Variants in SHROOM2 observed in about 807,000 individuals in gnomAD.
SHROOM2 encodes the protein protein Shroom2.
A neutral mutation model predicts 75.9 loss-of-function variants in SHROOM2; 33 were observed. The ratio of observed to expected loss-of-function variants is 0.43; its 90% CI spans 0.33 to 0.58. SHROOM2 has a LOEUF of 0.58. Ranked by LOEUF, SHROOM2 falls within the 20% of genes least tolerant of loss-of-function variation. The probability of loss-of-function intolerance (pLI) is 0.04; values close to 1 mark genes in which losing one functional copy is unlikely to be tolerated. For synonymous variants in SHROOM2, 655 were observed against 663.6 expected (o/e 0.99, Z 0.20); for missense variants, 1,434 against 1,461.2 (o/e 0.98, Z 0.30).
chrX:9,833,935 G>A (rs1320067715), intron 1 of SHROOM2, among the ~76,000 whole-genome samples: 1 of 111,293 alleles, frequency 9.0e-6, no homozygotes, highest in Non-Finnish European at 1.9e-5. Context: ...CTACAGACCT[G>A]CAGCCTCAAA....
At chrX:9,786,836 G>A in intron 1 of SHROOM2, 126 bp downstream of exon 1, 1 of 489,916 alleles carries the variant, frequency 2.0e-6, no homozygotes, top group South Asian at 1.1e-4. Flanking sequence ...CGTCTGCTGG[G>A]GTCACCTGCC....
In SHROOM2 at chrX:9,857,125, C is replaced by A. The variant is rs1009468852; in HGVS notation, c.166-16527C>A. Among the ~76,000 whole-genome samples the A allele has an allele frequency of 3.6e-5, 4 of 112,482 alleles. No individual in the cohort carries two copies. The East Asian group carries it at 1.1e-3, about 31-fold the overall frequency. On this transcript the variant is annotated intron_variant, in intron 1 of 9. Transcript: ENST00000380913. ...AATTTGAAGAGGCAGAAAGAGGACA[C>A]GAAGGTGACATGCTAATGAAGTCTA...
chrX:9,937,351 G>A lies in SHROOM2; in HGVS notation c.3805G>A (p.Glu1269Lys), dbSNP rs2084722005. The A allele has an allele frequency of 6.7e-6, 8 of 1,202,553 alleles. No homozygotes were observed. The highest frequency in any genetic ancestry group is 3.6e-5 in the South Asian group (2 of 55,666). The change falls in exon 7 of 10, where the codon GAG (glutamate) becomes AAG (lysine). Residue 1269 changes from glutamate (E) to lysine (K), a missense_variant. This residue lies in a region of SHROOM2 where 1,340 missense variants were observed against 1,338.3 expected (regional missense o/e 1.00). Transcript: ENST00000380913. ...CTGTCTGTACACGCGGCAGGGTGCT[G>A]AGCCCGAGGCCCCACATAGGGCCCA... is the stretch of plus-strand genomic sequence containing the variant. ...RFCLYTRQGA[E>K]PEAPHRAQPA... is the part of the protein sequence containing the mutation.
intron 5 of SHROOM2, among the ~76,000 whole-genome samples, chrX:9,919,127 A>G (rs140027451): frequency 3.8e-4 from 42 of 110,643 alleles, no homozygotes; most frequent in Non-Finnish European, 5.9e-4. Context: ...ATTGTGTTGG[A>G]CCTGGAATAC....
chrX:9,884,158 G>A (rs1038503501), intron 2 of SHROOM2, among the ~76,000 whole-genome samples: 4 of 110,769 alleles, frequency 3.6e-5, no homozygotes, highest in African/African-American at 1.3e-4. Flanking sequence ...GGGGGACCAG[G>A]TGGGCCTGTG....
chrX:9,901,914 A>G (rs777070464), intron 5 of SHROOM2, among the ~76,000 whole-genome samples: 2 of 104,292 alleles, frequency 1.9e-5, no homozygotes, highest in Non-Finnish European at 3.9e-5. Context: ...GGTTGGATGG[A>G]TGGAGGGACT....
At chrX:9,903,004 T>C (rs941640577) in intron 5 of SHROOM2, among the ~76,000 whole-genome samples, 2 of 111,821 alleles carry the variant, frequency 1.8e-5, no homozygotes, top group African/African-American at 6.5e-5. Context: ...GCATACGAAA[T>C]AGAGCTCTTT....
intron 2 of SHROOM2, among the ~76,000 whole-genome samples, chrX:9,884,368 C>CTTCTTTTTTTTT (rs1372366663): frequency 6.7e-4 from 42 of 62,229 alleles, no homozygotes; most frequent in African/African-American, 1.5e-3. Context: ...TTTTTCTTTT[C>CTTCTTTTTTTTT]TTTTTTTTTT....
intron 1 of SHROOM2, among the ~76,000 whole-genome samples, chrX:9,810,352 G>C (rs1463407000): frequency 9.0e-6 from 1 of 111,248 alleles, no homozygotes; most frequent in African/African-American, 3.3e-5. Context: ...GTAATACTAA[G>C]AGACGCCCTA....
chrX:9,919,582 A>G (rs755099276), intron 5 of SHROOM2, among the ~76,000 whole-genome samples: 3 of 109,433 alleles, frequency 2.7e-5, no homozygotes, highest in Non-Finnish European at 5.7e-5. Flanking sequence ...TGCCCCCCTC[A>G]GCCTCCCAAA....
intron 3 of SHROOM2, among the ~76,000 whole-genome samples, chrX:9,891,654 CTG>C (rs2084293010): frequency 9.1e-6 from 1 of 110,084 alleles, no homozygotes; most frequent in South Asian, 3.9e-4. Flanking sequence ...GTGTGTGTAT[CTG>C]TGTATGTTTA....
At chrX:9,891,176 G>A in intron 3 of SHROOM2, 68 bp downstream of exon 3, 4 of 1,100,997 alleles carry the variant, frequency 3.6e-6, no homozygotes, top group Non-Finnish European at 4.8e-6. Flanking sequence ...ACTCCTGACT[G>A]CAGAATGATT....
chrX:9,840,627 A>G (rs2083974676), intron 1 of SHROOM2, among the ~76,000 whole-genome samples: 1 of 112,306 alleles, frequency 8.9e-6, no homozygotes, highest in Non-Finnish European at 1.9e-5. Flanking sequence ...CATTCAGACT[A>G]TAAAATATTC....
chrX:9,890,844 C>A, intron 2 of SHROOM2, 133 bp from the exon 3 acceptor site: 1 of 629,472 alleles, frequency 1.6e-6, no homozygotes, highest in South Asian at 3.3e-5. Context: ...TGTGTGCGGT[C>A]CTCAAGCCCC....
chrX:9,793,385 G>A (rs2083678078), intron 1 of SHROOM2, among the ~76,000 whole-genome samples: 1 of 109,254 alleles, frequency 9.2e-6, no homozygotes, highest in Admixed American at 9.8e-5. Context: ...CACCTCTGGG[G>A]TTCAAGCGAT....
intron 1 of SHROOM2, among the ~76,000 whole-genome samples, chrX:9,833,067 G>C (rs1049591505): frequency 9.0e-6 from 1 of 110,641 alleles, no homozygotes; most frequent in Non-Finnish European, 1.9e-5. Flanking sequence ...GTCTTCTCGC[G>C]TCCTTGTGGA....
chrX:9,863,614 G>T (rs201758978), intron 1 of SHROOM2, among the ~76,000 whole-genome samples: 3,626 of 62,752 alleles, frequency 0.058, 144 homozygotes, highest in East Asian at 0.15. Context: ...ATTTTTTTTT[G>T]GGGGGGGTGT....
Position 9,873,790 on chromosome X carries a change from C to G in SHROOM2, c.304C>G (p.Leu102Val). ...GAAGGGGTCCCATAAGACCCTGAAGCTGGTCGTCAAAAGGTAAGATCTGAG... is the reference window on the plus strand; with the variant it reads ...GAAGGGGTCCCATAAGACCCTGAAGGTGGTCGTCAAAAGGTAAGATCTGAG... ...LVKGSHKTLK[L>V]VVKRRSELGW... The change falls in exon 2 of 10, where the codon CTG becomes GTG. Residue 102 changes from leucine to valine, a missense_variant. Around this residue, in one of 3 missense-constraint regions of SHROOM2, gnomAD observed 1,340 missense variants for 1,338.3 expected, o/e 1.00. Transcript: ENST00000380913. The G allele has an allele frequency of 1.7e-6, 2 of 1,211,190 alleles. No individual in the cohort carries two copies. Among genetic ancestry groups the G allele is most frequent in the Admixed American group, 2.2e-5 (1 of 45,948 alleles).
chrX:9,943,159 A>G (rs1009532077), intron 8 of SHROOM2, among the ~76,000 whole-genome samples: 1 of 109,972 alleles, frequency 9.1e-6, no homozygotes, highest in African/African-American at 3.3e-5. Context: ...CCAGGAGGTC[A>G]CTGCTGCAGT....
Sources: allele counts gnomAD v4.1 joint callset (sites outside exome capture counted in the v4.1 genomes callset), GRCh38; gene constraint gnomAD v4.1.1; regional missense constraint gnomAD v4.1.1; transcripts MANE v1.5; gene names NCBI Gene and HGNC (gene_info 2026-07-23, HGNC 2026-07-21).